The following FOXN3 variants were observed in gnomAD, a reference collection of about 807,000 sequenced individuals.
The protein encoded by FOXN3 is forkhead box N3.
In FOXN3, 7 loss-of-function variants were observed where a neutral mutation model predicts 38.4. The observed-to-expected ratio is 0.18, with a 90% confidence interval of 0.10 to 0.34. The LOEUF (loss-of-function observed/expected upper bound fraction) is 0.34, where lower values mean the gene tolerates loss of function less well. FOXN3 is among the 10% of genes least tolerant of loss of function. The pLI is 1.00. For missense variants in FOXN3, 456 were observed against 613.4 expected (o/e 0.74, Z 2.71); for synonymous variants, 230 against 242.2 (o/e 0.95, Z 0.47).
At chr14:89,417,488 CCCGCGACCCAGGGCGG>C (rs1397325438), upstream of FOXN3, 1 of 151,338 alleles carries the variant, frequency 6.6e-6, no homozygotes, top group Non-Finnish European at 1.5e-5. Flanking sequence ...CGGCGCGGGT[CCCGCGACCCAGGGCGG>C]CCGCGACCGT....
intron 3 of FOXN3, among the ~76,000 whole-genome samples, chr14:89,337,200 T>G (rs183699558): frequency 6.6e-6 from 1 of 152,302 alleles, no homozygotes; most frequent in East Asian, 1.9e-4. Flanking sequence ...AGAATTGCGA[T>G]CTTCCTCTTT....
chr14:89,401,849 G>C (rs1049326863), intron 2 of FOXN3, among the ~76,000 whole-genome samples: 6 of 152,162 alleles, frequency 3.9e-5, no homozygotes, highest in Non-Finnish European at 7.3e-5. Context: ...ACGGGGCCCA[G>C]AGGGAAATCC....
chr14:89,272,508 A>G (rs17188318), intron 4 of FOXN3, among the ~76,000 whole-genome samples: 24,597 of 152,172 alleles, frequency 0.16, 2,209 homozygotes, highest in East Asian at 0.3. Context: ...TTATTTTGGT[A>G]ACAAAAGCAA....
At chr14:89,542,877 C>T (rs1894818946) in intron 1 of FOXN3, among the ~76,000 whole-genome samples, 1 of 152,204 alleles carries the variant, frequency 6.6e-6, no homozygotes, top group Non-Finnish European at 1.5e-5. Context: ...GCAAAGAACT[C>T]CAGCCACCTG....
At chr14:89,512,742 T>C (rs368301730) in intron 1 of FOXN3, among the ~76,000 whole-genome samples, 17 of 152,192 alleles carry the variant, frequency 1.1e-4, no homozygotes, top group Admixed American at 1.0e-3. Flanking sequence ...CAAAGAGACA[T>C]ATTTTGGGGT....
chr14:89,577,604 G>A (rs959058377), intron 1 of FOXN3: 3 of 152,122 alleles, frequency 2.0e-5, no homozygotes, highest in South Asian at 4.1e-4. Flanking sequence ...TAAATTTCAG[G>A]GAGGGAAAGA....
At chr14:89,222,813 T>C (rs1426437718) in intron 4 of FOXN3, among the ~76,000 whole-genome samples, 2 of 152,078 alleles carry the variant, frequency 1.3e-5, no homozygotes, top group Admixed American at 1.3e-4. Context: ...CTTTAAAAAA[T>C]AAAATAAAAT....
Position 89,376,521 on chromosome 14 carries a change from A to G in FOXN3, c.544-25713T>C, listed in dbSNP as rs550548518. ...AACTTTCGGTAAAATAATTCAGGCA[A>G]GAATCATCAATGGTTATGCACACAG... On this transcript the variant is annotated intron_variant, in intron 2 of 5. Coordinates refer to ENST00000557258, the MANE Select transcript of FOXN3 (RefSeq NM_005197.4). Among the ~76,000 whole-genome samples, 122 of 152,348 alleles carry G rather than the reference A, an allele frequency of 8.0e-4. 1 individual carries two copies. The highest frequency in any genetic ancestry group is 2.8e-3 in the African/African-American group (117 of 41,580).
At chr14:89,450,435 G>C (rs554143034) in intron 1 of FOXN3, among the ~76,000 whole-genome samples, 1 of 152,102 alleles carries the variant, frequency 6.6e-6, no homozygotes, top group Non-Finnish European at 1.5e-5. Context: ...ATGTGCCTCC[G>C]TAGAATGCCC....
At position 89,412,627 on chromosome 14, in the gene FOXN3, C is replaced by T; in HGVS notation, c.-14-137G>A. On this transcript the variant is annotated intron_variant, in intron 1 of 5. Coordinates refer to ENST00000557258, the MANE Select transcript of FOXN3 (RefSeq NM_005197.4). This position sits in a 1 kb window ranked among gnomAD's most constrained non-coding sequence, Gnocchi z 4.7. ...TACACAGGAACACCACCTTGTGACT[C>T]CCACACTAAGCAACACAATCCCACA... is the stretch of plus-strand genomic sequence containing the variant. 6.3e-6 allele frequency: 4 copies of T among 635,214 alleles called. No homozygotes were observed. Among genetic ancestry groups the T allele is most frequent in the Admixed American group, 3.0e-5 (1 of 33,746 alleles). 39.3% of individuals were successfully genotyped at this position (635,214 alleles called of 1,614,324 possible). A position where few individuals can be genotyped will look rare whatever the true frequency, so the allele number is the denominator to read the frequency against.
intron 4 of FOXN3, among the ~76,000 whole-genome samples, chr14:89,228,598 T>G (rs1467615180): frequency 6.6e-6 from 1 of 152,264 alleles, no homozygotes; most frequent in Non-Finnish European, 1.5e-5. Context: ...GAAGGCAATT[T>G]CTTATTTTAT....
At chr14:89,508,412 A>G (rs1319943272) in intron 1 of FOXN3, among the ~76,000 whole-genome samples, 1 of 152,200 alleles carries the variant, frequency 6.6e-6, no homozygotes, top group Non-Finnish European at 1.5e-5. Context: ...AAGACAGCCT[A>G]GAAATTCCAC....
rs865774845 is a variant in FOXN3, at chr14:89,507,134, G to A, written c.-14-94644C>T. On this transcript the variant is annotated intron_variant, in intron 1 of 6. Coordinates refer to the FOXN3 transcript ENST00000345097. ...CAAGAATGATCAATAAAAAAAAAAA[G>A]AAAAAAAAAAAAAGAAACACTGTCC... Among the ~76,000 whole-genome samples, 863 of 96,862 alleles carry A rather than the reference G, an allele frequency of 8.9e-3. 2 individuals carry two copies. The highest frequency in any genetic ancestry group is 0.015 in the African/African-American group (455 of 30,280). The allele number at this position is 96,862 out of a possible 152,430, so 63.5% of individuals were successfully genotyped here.
Position 89,162,562 on chromosome 14 carries a change from G to A in FOXN3, c.1259C>T (p.Thr420Ile), listed in dbSNP as rs1290136818. ...SDTLPLKKRR[T>I]EKPPESDDEE... The stretch of plus-strand genomic sequence containing the variant: ...ATCATCGCTCTCGGGGGGCTTTTCG[G>A]TGCGTCTCTTTTTGAGGGGCAGTGT... The change falls in exon 6 of 6, where the codon ACC (threonine) becomes ATC (isoleucine). Residue 420 changes from threonine (T) to isoleucine (I), a missense_variant. Physicochemically the swap from Thr to Ile is moderately conservative, Grantham distance 89 (BLOSUM62 -1). Transcript: ENST00000557258. The surrounding 1 kb of genome is among the most constrained non-coding windows in gnomAD (Gnocchi z 7.2). 1 of 1,613,778 alleles carries A rather than the reference G, an allele frequency of 6.2e-7. No individual in the cohort carries two copies. Among genetic ancestry groups the A allele is most frequent in the Non-Finnish European group, 8.5e-7 (1 of 1,179,938 alleles).
rs115005425 is a variant in FOXN3, at chr14:89,357,333, G to A, written c.544-6525C>T. ...TTAAAAAAAGGAGATAGAGCAGGGC[G>A]TGGTGGCTCACGCCTGTAATCCCAA... On this transcript the variant is annotated intron_variant, in intron 2 of 5. Transcript: ENST00000557258. Among the ~76,000 whole-genome samples, 1,441 of 152,294 alleles carry A rather than the reference G, an allele frequency of 9.5e-3. 29 individuals are homozygous for A. Among genetic ancestry groups the A allele is most frequent in the African/African-American group, 0.033 (1,358 of 41,546 alleles).
chr14:89,543,472 AC>A (rs1265191405), intron 1 of FOXN3, among the ~76,000 whole-genome samples: 2 of 152,038 alleles, frequency 1.3e-5, no homozygotes, highest in African/African-American at 4.8e-5. Context: ...AAACAAAAAA[AC>A]CCCGACCATT....
intron 3 of FOXN3, among the ~76,000 whole-genome samples, chr14:89,282,487 C>A: frequency 6.6e-6 from 1 of 152,196 alleles, no homozygotes; most frequent in East Asian, 1.9e-4. Context: ...CTTACTGTTT[C>A]GGGGCACTTA....
At chr14:89,231,213 G>GA (rs140684297) in intron 4 of FOXN3, among the ~76,000 whole-genome samples, 2,513 of 147,380 alleles carry the variant, frequency 0.017, 57 homozygotes, top group African/African-American at 0.057. Context: ...TCTTTCTAAT[G>GA]AAAAAAAAAA....
At chr14:89,400,896 TTA>T (rs1891227469) in intron 2 of FOXN3, among the ~76,000 whole-genome samples, 4 of 152,062 alleles carry the variant, frequency 2.6e-5, no homozygotes, top group African/African-American at 9.7e-5. Flanking sequence ...ATCTGGTACA[TTA>T]CCTACCCTGT....
Sources: allele counts gnomAD v4.1 joint callset (sites outside exome capture counted in the v4.1 genomes callset), GRCh38; gene constraint gnomAD v4.1.1; non-coding constraint Gnocchi (gnomAD v3.1); transcripts MANE v1.5; gene names NCBI Gene and HGNC (gene_info 2026-07-23, HGNC 2026-07-21).